The following AMBRA1 variants were observed in gnomAD, a reference collection of about 807,000 sequenced individuals.
The protein encoded by AMBRA1 is autophagy and beclin 1 regulator 1, also known as activating molecule in BECN1-regulated autophagy protein 1.
AMBRA1 carries 47 observed loss-of-function variants against 125.4 expected under a neutral mutation model. The ratio of observed to expected loss-of-function variants is 0.37; its 90% CI spans 0.30 to 0.48. The LOEUF (loss-of-function observed/expected upper bound fraction) is 0.48, where lower values mean the gene tolerates loss of function less well. Among genes scored for constraint, AMBRA1 ranks in the 20% least tolerant of loss-of-function variants. The probability of loss-of-function intolerance (pLI) is 0.99; values close to 1 mark genes in which losing one functional copy is unlikely to be tolerated. For missense variants in AMBRA1, 1,331 were observed against 1,693.4 expected (o/e 0.79, Z 3.76); for synonymous variants, 626 against 655.5 (o/e 0.95, Z 0.69).
chr11:46,465,933 C>G (rs942235702), intron 11 of AMBRA1, among the ~76,000 whole-genome samples: 3 of 152,196 alleles, frequency 2.0e-5, no homozygotes, highest in Admixed American at 6.5e-5. Flanking sequence ...AAGCCTTGGC[C>G]TTCAACCTCA....
rs555342959 is a variant in AMBRA1 at position 46,522,532 on chromosome 11, G to A, written c.2073-9719C>T. 3.9e-5 allele frequency among the ~76,000 whole-genome samples: 6 copies of A among 152,228 alleles called. No homozygotes were observed. In the East Asian group the frequency reaches 7.7e-4, roughly 20 times the overall value. On this transcript the variant is annotated intron_variant, in intron 7 of 17. Coordinates refer to ENST00000683756, the MANE Select transcript of AMBRA1 (RefSeq NM_001387011.1). ...GACCAAATCTATGGGAAAAAAAAAG[G>A]TCCACAGCTAGTTTTGATGCCACAT...
chr11:46,477,299 C>T (rs1302571506), intron 11 of AMBRA1, among the ~76,000 whole-genome samples: 2 of 151,314 alleles, frequency 1.3e-5, no homozygotes, highest in African/African-American at 4.9e-5. Flanking sequence ...TAGGGAGAGT[C>T]TTTGTCTCTT....
chr11:46,547,472 T>C (rs1052944227), intron 3 of AMBRA1, 176 bp from the exon 4 acceptor site: 1 of 633,498 alleles, frequency 1.6e-6, no homozygotes, highest in South Asian at 2.6e-5. Flanking sequence ...TTTAAAAGCT[T>C]TTGGCTTGTC....
intron 9 of AMBRA1, chr11:46,495,324 G>A (rs948188461): frequency 6.6e-6 from 1 of 152,164 alleles, no homozygotes; most frequent in Non-Finnish European, 1.5e-5. Flanking sequence ...CCCTGAAACC[G>A]AAGTTAAGGC....
intron 14 of AMBRA1, among the ~76,000 whole-genome samples, chr11:46,423,972 A>G (rs1184675840): frequency 6.6e-6 from 1 of 151,110 alleles, no homozygotes. Flanking sequence ...CAAGTTGGCC[A>G]GGCTGGTCTC....
chr11:46,543,049 A>G lies in AMBRA1; in HGVS notation c.968T>C (p.Leu323Ser). ...RCSGTRVPSL[L>S]PHQDSVPPAS... ...AGGGGGGACACTGTCCTGGTGTGGC[A>G]AGAGGGAAGGAACTCGAGTGCCAGA... The change falls in exon 7 of 18, where the codon TTG becomes TCG. Residue 323 changes from leucine (L) to serine (S), a missense_variant. Physicochemically the swap from Leu to Ser is moderately radical, Grantham distance 145 (BLOSUM62 -2). Transcript: ENST00000683756. The G allele has an allele frequency of 1.3e-6, 2 of 1,598,860 alleles. No homozygotes were observed. Among genetic ancestry groups the G allele is most frequent in the East Asian group, 4.5e-5 (2 of 44,846 alleles).
intron 1 of AMBRA1, among the ~76,000 whole-genome samples, chr11:46,561,242 G>A (rs1002829227): frequency 2.0e-5 from 3 of 152,018 alleles, no homozygotes; most frequent in African/African-American, 4.8e-5. Context: ...TTAGCTGGGC[G>A]TGGTGTCACG....
intron 1 of AMBRA1, among the ~76,000 whole-genome samples, chr11:46,568,635 G>C (rs992894765): frequency 4.0e-5 from 6 of 151,230 alleles, no homozygotes; most frequent in African/African-American, 1.5e-4. Flanking sequence ...AGCCGGGCGT[G>C]GTGGCACATG....
intron 1 of AMBRA1, among the ~76,000 whole-genome samples, chr11:46,580,681 C>T (rs543300400): frequency 1.3e-5 from 2 of 152,318 alleles, no homozygotes; most frequent in South Asian, 2.1e-4. Flanking sequence ...CTAATCCAAA[C>T]CATCATCGCC....
chr11:46,437,572 A>G (rs1026024927), intron 12 of AMBRA1, among the ~76,000 whole-genome samples: 1 of 152,174 alleles, frequency 6.6e-6, no homozygotes, highest in African/African-American at 2.4e-5. Flanking sequence ...TCATTCTCAC[A>G]TTTGCTGTTT....
In AMBRA1 at chr11:46,569,438, A is replaced by ATAT. The variant is rs1320055263; in HGVS notation, c.-120-20939_-120-20938insATA. ...ATATCACTGAGAGATTAAAAAAAAA[A>ATAT]AAATATATATATATATATATATATA... On this transcript the variant is annotated intron_variant, in intron 1 of 17. Transcript: ENST00000683756. Among the ~76,000 whole-genome samples, 927 of 134,102 alleles carry ATAT rather than the reference A, an allele frequency of 6.9e-3. 16 individuals carry two copies. Among genetic ancestry groups the ATAT allele is most frequent in the African/African-American group, 0.027 (890 of 33,030 alleles). The allele number at this position is 134,102 out of a possible 152,430, so 88.0% of individuals were successfully genotyped here. A position where few individuals can be genotyped will look rare whatever the true frequency, so the allele number is the denominator to read the frequency against.
intron 11 of AMBRA1, among the ~76,000 whole-genome samples, chr11:46,455,624 TCAAA>T (rs1428771198): frequency 1.3e-5 from 2 of 152,152 alleles, no homozygotes; most frequent in Non-Finnish European, 2.9e-5. Flanking sequence ...GTCAAATAAC[TCAAA>T]CAGAGGATAG....
rs764821864 is a variant in AMBRA1 at position 46,397,673 on chromosome 11, C to T, written c.3674G>A (p.Gly1225Asp). 1 of 1,612,982 alleles carries T rather than the reference C, an allele frequency of 6.2e-7. No homozygotes were observed. Among genetic ancestry groups the T allele is most frequent in the Non-Finnish European group, 8.5e-7 (1 of 1,179,428 alleles). The stretch of plus-strand genomic sequence containing the variant: ...CCAGGAAGCTGTCCGGGGGCTTAGG[C>T]CTCGCTCTGCCAGTTGCCCGGCCTC... The part of the protein sequence containing the change: ...LPEAGQLAER[G>D]LSPRTASWDQ... Residue 1225 changes from glycine (G) to aspartate (D), a missense_variant, in exon 18 of 18, where the codon GGC (glycine) becomes GAC (aspartate). Around this residue, in one of 4 missense-constraint regions of AMBRA1, gnomAD observed 144 missense variants for 133.9 expected, o/e 1.08. Transcript: ENST00000683756.
intron 1 of AMBRA1, among the ~76,000 whole-genome samples, chr11:46,592,200 G>A (rs1056211326): frequency 6.6e-6 from 1 of 151,858 alleles, no homozygotes; most frequent in Non-Finnish European, 1.5e-5. Context: ...CTCCCAAAGT[G>A]CTGGGATTAC....
chr11:46,462,950 C>T (rs1949159655), intron 11 of AMBRA1, among the ~76,000 whole-genome samples: 1 of 151,980 alleles, frequency 6.6e-6, no homozygotes, highest in African/African-American at 2.4e-5. Context: ...GACGGGGTTT[C>T]ACCATATTGG....
intron 1 of AMBRA1, among the ~76,000 whole-genome samples, chr11:46,588,954 C>T (rs536579222): frequency 7.9e-5 from 12 of 152,048 alleles, no homozygotes; most frequent in Non-Finnish European, 1.5e-4. Context: ...AAAATAGTAT[C>T]TCTATGGGGA....
At chr11:46,509,311 T>A (rs1246546142) in intron 8 of AMBRA1, among the ~76,000 whole-genome samples, 1 of 152,218 alleles carries the variant, frequency 6.6e-6, no homozygotes, top group Non-Finnish European at 1.5e-5. Flanking sequence ...AACAGTATTA[T>A]ATAATTTGAC....
At chr11:46,573,099 C>CT (rs2043823033) in intron 1 of AMBRA1, among the ~76,000 whole-genome samples, 1 of 136,010 alleles carries the variant, frequency 7.4e-6, no homozygotes, top group African/African-American at 2.9e-5. Context: ...AAAACTCTGT[C>CT]TCAAAAAAAA....
In AMBRA1 at chr11:46,397,655, G is replaced by A; in HGVS notation, c.3692C>T (p.Ala1231Val). The change falls in exon 18 of 18, where the codon GCT becomes GTT. Residue 1231 changes from alanine to valine, a missense_variant. Physicochemically the swap from Ala to Val is moderately conservative, Grantham distance 64. Coordinates refer to ENST00000683756, the MANE Select transcript of AMBRA1 (RefSeq NM_001387011.1). ...AGGGGTACCAGGCTGGTCCCAGGAAGCTGTCCGGGGGCTTAGGCCTCGCTC... is the reference window on the plus strand; with the variant it reads ...AGGGGTACCAGGCTGGTCCCAGGAAACTGTCCGGGGGCTTAGGCCTCGCTC... ...LAERGLSPRTASWDQPGTPGR... is the reference protein window; with the variant it reads ...LAERGLSPRTVSWDQPGTPGR... The A allele has an allele frequency of 6.2e-7, 1 of 1,612,930 alleles. No individual in the cohort carries two copies. The highest frequency in any genetic ancestry group is 1.1e-5 in the South Asian group (1 of 90,992).
Sources: allele counts gnomAD v4.1 joint callset (sites outside exome capture counted in the v4.1 genomes callset), GRCh38; gene constraint gnomAD v4.1.1; regional missense constraint gnomAD v4.1.1; transcripts MANE v1.5; gene names NCBI Gene and HGNC (gene_info 2026-07-23, HGNC 2026-07-21).